CRPPA: variants seen among roughly 807,000 people sequenced by gnomAD.
The protein encoded by CRPPA is CDP-L-ribitol pyrophosphorylase A.
In CRPPA, 43 loss-of-function variants were observed where a neutral mutation model predicts 52.0. That is an observed-to-expected ratio of 0.83 (90% CI 0.65 to 1.07). The LOEUF (loss-of-function observed/expected upper bound fraction) is 1.07, where lower values mean the gene tolerates loss of function less well. Ranked by LOEUF, CRPPA falls within the 50% of genes least tolerant of loss-of-function variation. The pLI is 0.00. For synonymous variants in CRPPA, 250 were observed against 203.5 expected (o/e 1.23, Z -1.94); for missense variants, 629 against 551.7 (o/e 1.14, Z -1.40).
intron 9 of CRPPA, among the ~76,000 whole-genome samples, chr7:16,204,941 T>C (rs1454683406): frequency 1.3e-5 from 2 of 152,198 alleles, no homozygotes; most frequent in South Asian, 2.1e-4. Context: ...CATCAGAGAA[T>C]TCATAATTCA....
In CRPPA at chr7:16,204,982, C is replaced by T. The variant is rs369703107; in HGVS notation, c.1251+11084G>A. 1.2e-4 allele frequency among the ~76,000 whole-genome samples: 18 copies of T among 152,276 alleles called. 1 individual carries two copies. In the South Asian group the frequency reaches 3.3e-3, roughly 28 times the overall value. Reference sequence around the variant, plus strand: ...CTAGAGGAGATATCTCTCCACGATTCTTAACACATATGCTTTCTTATTAAG... The same window carrying T: ...CTAGAGGAGATATCTCTCCACGATTTTTAACACATATGCTTTCTTATTAAG... On this transcript the variant is annotated intron_variant, in intron 9 of 9. Coordinates refer to ENST00000407010, the MANE Select transcript of CRPPA (RefSeq NM_001101426.4).
chr7:16,296,664 G>A (rs1270866288), intron 5 of CRPPA, among the ~76,000 whole-genome samples: 1 of 151,912 alleles, frequency 6.6e-6, no homozygotes, highest in African/African-American at 2.4e-5. Flanking sequence ...AATCTGTTAT[G>A]TCTAGATAAT....
At chr7:16,227,588 G>C (rs183017184) in intron 8 of CRPPA, among the ~76,000 whole-genome samples, 1 of 151,750 alleles carries the variant, frequency 6.6e-6, no homozygotes, top group Non-Finnish European at 1.5e-5. Flanking sequence ...TCTTGATATA[G>C]AGCCAAGTTT....
chr7:16,114,436 T>G (rs535704503), intron 9 of CRPPA, among the ~76,000 whole-genome samples: 1 of 152,098 alleles, frequency 6.6e-6, no homozygotes, highest in Admixed American at 6.6e-5. Flanking sequence ...TGTTCTGCCA[T>G]AAATGTTTGT....
intron 6 of CRPPA, among the ~76,000 whole-genome samples, chr7:16,276,002 A>T (rs1784195930): frequency 6.6e-6 from 1 of 152,014 alleles, no homozygotes; most frequent in South Asian, 2.1e-4. Flanking sequence ...AAATGACAGA[A>T]CTATAAAAGT....
chr7:16,269,617 G>A (rs1441382991), intron 6 of CRPPA: 5 of 152,126 alleles, frequency 3.3e-5, no homozygotes, highest in African/African-American at 1.2e-4. Flanking sequence ...ACAAGTTGTA[G>A]GCCTTGGAAA....
intron 9 of CRPPA, among the ~76,000 whole-genome samples, chr7:16,149,781 T>C (rs1426406097): frequency 6.6e-6 from 1 of 151,942 alleles, no homozygotes; most frequent in Non-Finnish European, 1.5e-5. Context: ...AGCTCAGGAG[T>C]TTGCGACCAG....
At chr7:16,214,292 C>T (rs1782243125) in intron 9 of CRPPA, among the ~76,000 whole-genome samples, 1 of 152,146 alleles carries the variant, frequency 6.6e-6, no homozygotes, top group Non-Finnish European at 1.5e-5. Flanking sequence ...AAGTCAACTA[C>T]AGTGCAGTGC....
intron 8 of CRPPA, among the ~76,000 whole-genome samples, chr7:16,240,298 C>T (rs2128406042): frequency 6.6e-6 from 1 of 151,318 alleles, no homozygotes; most frequent in African/African-American, 2.4e-5. Flanking sequence ...ATACCTGAGA[C>T]TTACTACATC....
At chr7:16,384,471 T>G (rs1424101188) in intron 2 of CRPPA, among the ~76,000 whole-genome samples, 1 of 152,138 alleles carries the variant, frequency 6.6e-6, no homozygotes, top group Non-Finnish European at 1.5e-5. Flanking sequence ...GGGCTAGAAT[T>G]TAACTGAGAC....
Position 16,278,171 on chromosome 7 carries a change from ATGTT to A in CRPPA, c.887_890del (p.Lys296MetfsTer2). 6.3e-7 allele frequency: 1 copy of A among 1,580,272 alleles called. No homozygotes were observed. Among genetic ancestry groups the A allele is most frequent in the Non-Finnish European group, 8.7e-7 (1 of 1,155,626 alleles). ...GCACTTCTTCAAGAAGATGACCTAC[ATGTT>A]TGTTATCTTCTTCTGTATCCATAAC... On this transcript the variant is annotated frameshift_variant, in exon 6 of 10. Transcript: ENST00000407010. LOFTEE classifies it high-confidence loss of function.
chr7:16,091,757 T>C lies in CRPPA; in HGVS notation c.1294A>G (p.Ile432Val), dbSNP rs1263954084. The change falls in exon 10 of 10, where the codon ATT becomes GTT. Residue 432 changes from isoleucine to valine, a missense_variant. By Grantham distance (29) the Ile-to-Val change is conservative (BLOSUM62 3). Coordinates refer to ENST00000407010, the MANE Select transcript of CRPPA (RefSeq NM_001101426.4). ...LQESLRQGAI[I>V]IASLIKERNS... ...CTTTCCTTGATTAATGAAGCAATAA[T>C]GATAGCACCTTGCCTTAAACTCTCC... 7.7e-6 allele frequency: 12 copies of C among 1,562,806 alleles called. No individual in the cohort carries two copies. Among genetic ancestry groups the C allele is most frequent in the Non-Finnish European group, 1.0e-5 (12 of 1,152,248 alleles).
intron 3 of CRPPA, among the ~76,000 whole-genome samples, chr7:16,369,614 T>C (rs1786696564): frequency 1.3e-5 from 2 of 152,306 alleles, no homozygotes; most frequent in Middle Eastern, 3.4e-3. Flanking sequence ...CCAAAAAAGA[T>C]ATATCAGGTA....
chr7:16,110,075 T>C (rs1004389447), intron 9 of CRPPA, among the ~76,000 whole-genome samples: 5 of 151,996 alleles, frequency 3.3e-5, no homozygotes, highest in African/African-American at 7.2e-5. Flanking sequence ...AAAATACACA[T>C]ATACAGTAAG....
chr7:16,197,385 G>C (rs1163863953), intron 9 of CRPPA, among the ~76,000 whole-genome samples: 1 of 152,172 alleles, frequency 6.6e-6, no homozygotes, highest in Non-Finnish European at 1.5e-5. Context: ...GTCCAGGCTA[G>C]TGTGGTGGTG....
intron 5 of CRPPA, among the ~76,000 whole-genome samples, chr7:16,286,097 A>AAAAAAAAAAATATATATATATAT: frequency 1.5e-4 from 6 of 39,130 alleles, no homozygotes; most frequent in Non-Finnish European, 2.4e-4. Context: ...TAAAAAAAAA[A>AAAAAAAAAAATATATATATATAT]ATATATATAT....
chr7:16,395,471 T>G (rs903454243), intron 2 of CRPPA, among the ~76,000 whole-genome samples: 5 of 152,218 alleles, frequency 3.3e-5, no homozygotes, highest in African/African-American at 1.2e-4. Context: ...AATCAGTGTT[T>G]GCAGAACGGC....
chr7:16,279,780 G>A (rs1477454105), intron 5 of CRPPA, among the ~76,000 whole-genome samples: 1 of 152,194 alleles, frequency 6.6e-6, no homozygotes, highest in Non-Finnish European at 1.5e-5. Flanking sequence ...GAGGTAGGTA[G>A]TCACATAAAC....
chr7:16,257,207 C>G (rs1287996886), intron 8 of CRPPA, among the ~76,000 whole-genome samples: 1 of 152,102 alleles, frequency 6.6e-6, no homozygotes, highest in Non-Finnish European at 1.5e-5. Flanking sequence ...GTTCTGAGTT[C>G]AAAGCCTTTG....
Sources: gnomAD v4.1 joint callset for allele counts (sites outside exome capture counted in the v4.1 genomes callset) on GRCh38, gnomAD v4.1.1 for gene constraint, MANE v1.5 for transcripts, NCBI Gene and HGNC (gene_info 2026-07-23, HGNC 2026-07-21) for gene names.